CLOCK: variants seen among roughly 807,000 people sequenced by gnomAD.
CLOCK encodes circadian locomoter output cycles protein kaput.
Under a neutral mutation model 118.4 loss-of-function variants are expected in CLOCK, and 43 were observed. The observed-to-expected ratio is 0.36, with a 90% CI of 0.28 to 0.47. The LOEUF (loss-of-function observed/expected upper bound fraction) is 0.47, where lower values mean the gene tolerates loss of function less well. CLOCK is among the 20% of genes least tolerant of loss of function. CLOCK has a pLI of 1.00. For missense variants in CLOCK, 846 were observed against 999.9 expected, an observed-to-expected ratio of 0.85 and a Z score of 2.08; for synonymous variants, 326 against 339.2, an observed-to-expected ratio of 0.96 and a Z score of 0.43.
chr4:55,535,956 T>C (rs1486666298), intron 1 of CLOCK, among the ~76,000 whole-genome samples: 1 of 152,082 alleles, frequency 6.6e-6, no homozygotes, highest in Admixed American at 6.6e-5. Flanking sequence ...GTGTAAAATA[T>C]TGTTGCTGAG....
In CLOCK at chr4:55,473,481, CA is replaced by C. The variant is rs941180272; in HGVS notation, c.348+2481del. Among the ~76,000 whole-genome samples, 45 of 152,118 alleles carry C rather than the reference CA, an allele frequency of 3.0e-4. 1 individual carries two copies. The highest frequency in any genetic ancestry group is 7.4e-5 in the Non-Finnish European group (5 of 68,018). The stretch of plus-strand genomic sequence containing the variant: ...CGTATGGTAACATTTCTGCTGAATA[CA>C]TAAAGAATTAATCACACAATTAATT... On this transcript the variant is annotated intron_variant, in intron 7 of 22. Coordinates refer to ENST00000513440, the MANE Select transcript of CLOCK (RefSeq NM_004898.4).
chr4:55,503,261 T>C (rs1016373054), intron 2 of CLOCK, among the ~76,000 whole-genome samples: 1 of 152,168 alleles, frequency 6.6e-6, no homozygotes, highest in Non-Finnish European at 1.5e-5. Flanking sequence ...TTCATCACAG[T>C]AGAATAAATA....
chr4:55,476,086 T>G, intron 6 of CLOCK, 32 bp from the exon 7 acceptor site: 1 of 1,418,358 alleles, frequency 7.1e-7, no homozygotes, highest in Non-Finnish European at 1.0e-6. Flanking sequence ...AGTGGCATAC[T>G]CCAACCACCG....
chr4:55,479,075 G>A, intron 5 of CLOCK, 112 bp from the exon 6 acceptor site: 1 of 870,752 alleles, frequency 1.1e-6, no homozygotes, highest in Non-Finnish European at 1.7e-6. Context: ...AACATAGATG[G>A]TAACAAATAT....
intron 8 of CLOCK, among the ~76,000 whole-genome samples, chr4:55,467,192 AG>A (rs1345673523): frequency 6.6e-6 from 1 of 152,208 alleles, no homozygotes; most frequent in East Asian, 1.9e-4. Context: ...AATTCCAATG[AG>A]ATCTATCACA....
chr4:55,453,659 C>A lies in CLOCK; in HGVS notation c.1130+18G>T. ...AGGATGTTACAGTAATTCAGAAATT[C>A]TCTAAAAGAATTATTACCTTACTAC... On this transcript the variant is annotated intron_variant, in intron 14 of 22. Coordinates refer to ENST00000513440, the MANE Select transcript of CLOCK (RefSeq NM_004898.4). 6.2e-7 allele frequency: 1 copy of A among 1,603,566 alleles called. No individual in the cohort carries two copies.
At chr4:55,495,453 C>T (rs545706880) in intron 2 of CLOCK, among the ~76,000 whole-genome samples, 1 of 152,256 alleles carries the variant, frequency 6.6e-6, no homozygotes, top group Admixed American at 6.5e-5. Flanking sequence ...TGACCAAGCC[C>T]TGTTGGTGGG....
intron 21 of CLOCK, among the ~76,000 whole-genome samples, chr4:55,440,522 C>T (rs1444024633): frequency 6.6e-6 from 1 of 152,138 alleles, no homozygotes; most frequent in African/African-American, 2.4e-5. Context: ...AACAATATTA[C>T]ACTTAGTACA....
intron 1 of CLOCK, among the ~76,000 whole-genome samples, chr4:55,528,740 CA>C (rs1259878300): frequency 1.3e-5 from 2 of 152,174 alleles, no homozygotes; most frequent in Non-Finnish European, 2.9e-5. Context: ...AATGACTAAG[CA>C]AGGGCCAGTG....
At chr4:55,439,233 C>T (rs548578800) in intron 21 of CLOCK, among the ~76,000 whole-genome samples, 1 of 152,140 alleles carries the variant, frequency 6.6e-6, no homozygotes, top group Non-Finnish European at 1.5e-5. Context: ...AAAGAAGATA[C>T]ACAAATGGCT....
At chr4:55,478,738 C>T in intron 6 of CLOCK, 77 bp downstream of exon 6, 1 of 1,413,756 alleles carries the variant, frequency 7.1e-7, no homozygotes, top group South Asian at 1.2e-5. Flanking sequence ...AAGGAAGCAT[C>T]CAATCTTAAG....
chr4:55,487,011 T>A (rs922545432), intron 3 of CLOCK, among the ~76,000 whole-genome samples: 7 of 152,150 alleles, frequency 4.6e-5, no homozygotes, highest in Non-Finnish European at 5.9e-5. Flanking sequence ...ATTTTCTTAT[T>A]TTTTCTCTAC....
intron 8 of CLOCK, among the ~76,000 whole-genome samples, chr4:55,469,574 G>A (rs1313480217): frequency 2.0e-5 from 3 of 152,156 alleles, no homozygotes; most frequent in Non-Finnish European, 2.9e-5. Flanking sequence ...CTGACCCCGC[G>A]TAGGCCTAGG....
At chr4:55,510,858 G>A (rs1434972037) in intron 1 of CLOCK, among the ~76,000 whole-genome samples, 1 of 152,082 alleles carries the variant, frequency 6.6e-6, no homozygotes, top group Non-Finnish European at 1.5e-5. Flanking sequence ...ATGAGAAAGG[G>A]CATTTCCTGA....
At chr4:55,482,642 C>G in intron 4 of CLOCK, 97 bp downstream of exon 4, 1 of 752,530 alleles carries the variant, frequency 1.3e-6, no homozygotes, top group Non-Finnish European at 2.1e-6. Flanking sequence ...TATGTTTAGG[C>G]ATAAAATTCC....
chr4:55,494,594 G>A lies in CLOCK; in HGVS notation c.-135-5129C>T, dbSNP rs1200154682. ...GGGAAGGATAGGAGGGGGGATGAGG[G>A]ATAAAAGACCATACATTGGGAACAG... is the stretch of plus-strand genomic sequence containing the variant. On this transcript the variant is annotated intron_variant, in intron 2 of 22. Coordinates refer to ENST00000513440, the MANE Select transcript of CLOCK (RefSeq NM_004898.4). Among the ~76,000 whole-genome samples the A allele has an allele frequency of 3.3e-5, 5 of 152,196 alleles. No individual in the cohort carries two copies. The South Asian group carries it at 6.2e-4, about 19-fold the overall frequency.
intron 2 of CLOCK, among the ~76,000 whole-genome samples, chr4:55,508,145 T>C (rs1413413318): frequency 6.6e-6 from 1 of 152,200 alleles, no homozygotes; most frequent in African/African-American, 2.4e-5. Flanking sequence ...GGCCTATCCA[T>C]TGACTCCAAA....
chr4:55,438,214 A>T (rs960680714), intron 22 of CLOCK, 68 bp downstream of exon 22: 4 of 1,552,336 alleles, frequency 2.6e-6, no homozygotes, highest in African/African-American at 2.7e-5. Context: ...AAATCTGTTC[A>T]CTTAATGCTT....
Position 55,507,748 on chromosome 4 carries a change from T to C in CLOCK, c.-136+2164A>G, listed in dbSNP as rs539023986. ...AAAGAATGGGGAATGATTTTGATCATGCATAGACATAACAGTTATTGGAAC... is the reference window on the plus strand; with the variant it reads ...AAAGAATGGGGAATGATTTTGATCACGCATAGACATAACAGTTATTGGAAC... On this transcript the variant is annotated intron_variant, in intron 2 of 22. Transcript: ENST00000513440. 3.3e-5 allele frequency among the ~76,000 whole-genome samples: 5 copies of C among 152,342 alleles called. No homozygotes were observed. The East Asian group carries it at 9.6e-4, about 29-fold the overall frequency.
Sources: gnomAD v4.1 joint callset for allele counts (sites outside exome capture counted in the v4.1 genomes callset) on GRCh38, gnomAD v4.1.1 for gene constraint, MANE v1.5 for transcripts, NCBI Gene and HGNC (gene_info 2026-07-23, HGNC 2026-07-21) for gene names.